CDC42SE2: variants seen among roughly 807,000 people sequenced by gnomAD.
The protein encoded by CDC42SE2 is CDC42 small effector protein 2.
Under a neutral mutation model 11.5 loss-of-function variants are expected in CDC42SE2, and 3 were observed. The observed-to-expected ratio is 0.26, with a 90% CI of 0.12 to 0.67. The LOEUF (loss-of-function observed/expected upper bound fraction) is 0.67, where lower values mean the gene tolerates loss of function less well. Ranked by LOEUF, CDC42SE2 falls within the 30% of genes least tolerant of loss-of-function variation. CDC42SE2 has a pLI of 0.80. For missense variants in CDC42SE2, 82 were observed against 106.8 expected (o/e 0.77, Z 1.02); for synonymous variants, 33 against 34.8 (o/e 0.95, Z 0.18).
At chr5:131,309,311 G>T (rs1222745691) in intron 1 of CDC42SE2, among the ~76,000 whole-genome samples, 2 of 151,290 alleles carry the variant, frequency 1.3e-5, no homozygotes, top group Non-Finnish European at 3.0e-5. Context: ...TGATCATGGT[G>T]GATAAGCTTT....
At chr5:131,349,191 G>A (rs1314767483) in intron 2 of CDC42SE2, among the ~76,000 whole-genome samples, 1 of 152,114 alleles carries the variant, frequency 6.6e-6, no homozygotes, top group Non-Finnish European at 1.5e-5. Flanking sequence ...CATATCCTTT[G>A]TAGCGACATG....
chr5:131,275,579 C>A (rs1757084887), intron 1 of CDC42SE2, among the ~76,000 whole-genome samples: 1 of 152,138 alleles, frequency 6.6e-6, no homozygotes, highest in Non-Finnish European at 1.5e-5. Context: ...CAGGTGTGAG[C>A]CACTGCACCT....
chr5:131,320,045 C>CT (rs1561583554), intron 2 of CDC42SE2, among the ~76,000 whole-genome samples: 1 of 115,610 alleles, frequency 8.6e-6, no homozygotes, highest in African/African-American at 3.6e-5. Context: ...AGCAAGACTC[C>CT]GTCTTAAAGA....
intron 2 of CDC42SE2, among the ~76,000 whole-genome samples, chr5:131,334,263 C>T (rs1473510617): frequency 2.0e-5 from 3 of 152,112 alleles, no homozygotes; most frequent in Admixed American, 6.6e-5. Context: ...TGCTGGATTA[C>T]GTTTATTGAT....
chr5:131,387,568 C>T (rs1317329611), intron 4 of CDC42SE2, among the ~76,000 whole-genome samples: 1 of 152,048 alleles, frequency 6.6e-6, no homozygotes, highest in African/African-American at 2.4e-5. Flanking sequence ...ATAAATCCAA[C>T]CGTATAGGAG....
At chr5:131,210,340 T>G in the CDC42SE2 span, among the ~76,000 whole-genome samples, 1 of 152,248 alleles carries the variant, frequency 6.6e-6, no homozygotes, top group Admixed American at 6.5e-5. Flanking sequence ...GTCATTAACT[T>G]TTCACTTTAC....
intron 1 of CDC42SE2, among the ~76,000 whole-genome samples, chr5:131,310,957 G>T (rs1049434048): frequency 1.4e-4 from 21 of 150,294 alleles, no homozygotes; most frequent in African/African-American, 4.7e-4. Flanking sequence ...AGTTAATATT[G>T]TTATGTGTGA....
At chr5:131,332,718 G>GT (rs1283939560) in intron 2 of CDC42SE2, among the ~76,000 whole-genome samples, 2 of 152,182 alleles carry the variant, frequency 1.3e-5, no homozygotes, top group African/African-American at 4.8e-5. Flanking sequence ...CTGATGGCCA[G>GT]TGATGATGAG....
At chr5:131,356,295 C>T (rs1040567373) in intron 2 of CDC42SE2, among the ~76,000 whole-genome samples, 6 of 152,124 alleles carry the variant, frequency 3.9e-5, no homozygotes, top group Non-Finnish European at 7.4e-5. Flanking sequence ...AAGCAGCTTT[C>T]AGCTCAAGAA....
intron 1 of CDC42SE2, among the ~76,000 whole-genome samples, chr5:131,289,670 C>G (rs1353908010): frequency 2.0e-5 from 3 of 147,626 alleles, no homozygotes; most frequent in Non-Finnish European, 4.5e-5. Context: ...GAGACTCTGT[C>G]TCAAAAAAAA....
intron 2 of CDC42SE2, among the ~76,000 whole-genome samples, chr5:131,350,341 CA>C (rs148702602): frequency 4.5e-4 from 67 of 147,408 alleles, no homozygotes; most frequent in South Asian, 1.7e-3. Flanking sequence ...TATAAAAATA[CA>C]AAAAAAAAGA....
intron 1 of CDC42SE2, among the ~76,000 whole-genome samples, chr5:131,246,503 T>C (rs1756584485): frequency 1.3e-5 from 2 of 152,166 alleles, no homozygotes; most frequent in Non-Finnish European, 2.9e-5. Flanking sequence ...ACAATTTTTG[T>C]GACTTAAATT....
chr5:131,325,884 A>C (rs1475230254), intron 2 of CDC42SE2, among the ~76,000 whole-genome samples: 1 of 152,186 alleles, frequency 6.6e-6, no homozygotes, highest in South Asian at 2.1e-4. Context: ...CCATTGGTTT[A>C]AGCAAATCAG....
At chr5:131,304,064 A>G (rs1464495822) in intron 1 of CDC42SE2, among the ~76,000 whole-genome samples, 1 of 152,024 alleles carries the variant, frequency 6.6e-6, no homozygotes, top group Non-Finnish European at 1.5e-5. Flanking sequence ...GGCCCAAGGA[A>G]TCCTTGCACC....
intron 3 of CDC42SE2, among the ~76,000 whole-genome samples, chr5:131,362,672 TCTC>T (rs1749742131): frequency 6.6e-6 from 1 of 152,192 alleles, no homozygotes; most frequent in Non-Finnish European, 1.5e-5. Context: ...TAATCATTTT[TCTC>T]CTCCTACTCC....
At chr5:131,333,195 GT>G (rs1337642194) in intron 2 of CDC42SE2, among the ~76,000 whole-genome samples, 1 of 152,166 alleles carries the variant, frequency 6.6e-6, no homozygotes, top group Non-Finnish European at 1.5e-5. Context: ...TGGGTAGCCA[GT>G]TTTGCCAGCA....
intron 4 of CDC42SE2, among the ~76,000 whole-genome samples, chr5:131,387,630 T>A (rs1273223440): frequency 6.6e-6 from 1 of 152,218 alleles, no homozygotes; most frequent in Non-Finnish European, 1.5e-5. Context: ...TTTCGGAATT[T>A]CCTTTAAGAT....
chr5:131,249,866 G>C (rs1333853014), intron 1 of CDC42SE2, among the ~76,000 whole-genome samples: 3 of 152,068 alleles, frequency 2.0e-5, no homozygotes, highest in Admixed American at 2.0e-4. Context: ...CTGGACAACA[G>C]AGTGAGATGC....
In CDC42SE2 at chr5:131,286,780, CTTAAT is replaced by C. The variant is rs1757350757; in HGVS notation, c.-455+22618_-455+22622del. Among the ~76,000 whole-genome samples, 5 of 151,870 alleles carry C rather than the reference CTTAAT, an allele frequency of 3.3e-5. No individual in the cohort carries two copies. The South Asian group carries it at 8.3e-4, about 25-fold the overall frequency. On this transcript the variant is annotated intron_variant, in intron 1 of 4. Coordinates refer to ENST00000505065, the MANE Select transcript of CDC42SE2 (RefSeq NM_001375635.1). Reference sequence around the variant, plus strand: ...TTTCTTAACATTTTCTTTTCTCTAGCTTAATTTATTGTAATAATACAATATATAAT... The same window carrying C: ...TTTCTTAACATTTTCTTTTCTCTAGCTTATTGTAATAATACAATATATAAT...
Sources: gnomAD v4.1 joint callset for allele counts (sites outside exome capture counted in the v4.1 genomes callset) on GRCh38, gnomAD v4.1.1 for gene constraint, MANE v1.5 for transcripts, NCBI Gene and HGNC (gene_info 2026-07-23, HGNC 2026-07-21) for gene names.